The following ATXN7L1 variants were observed in gnomAD, a reference collection of about 807,000 sequenced individuals.
ATXN7L1 encodes the protein ataxin 7 like 1, also known as ataxin-7-like protein 1.
In ATXN7L1, 15 loss-of-function variants were observed where a neutral mutation model predicts 70.8. That is an observed-to-expected ratio of 0.21 (90% CI 0.14 to 0.33). The LOEUF (loss-of-function observed/expected upper bound fraction) is 0.33. ATXN7L1 is among the 10% of genes least tolerant of loss of function. ATXN7L1 has a pLI of 1.00. For missense variants in ATXN7L1, 975 were observed against 1,097.1 expected (o/e 0.89, Z 1.57); for synonymous variants, 440 against 445.1 (o/e 0.99, Z 0.14).
rs376329558 is a variant in ATXN7L1 at position 105,766,849 on chromosome 7, C to T, written c.355+21755G>A. On this transcript the variant is annotated intron_variant, in intron 3 of 11. Coordinates refer to ENST00000419735, the MANE Select transcript of ATXN7L1 (RefSeq NM_020725.2). ...ACCCAGGGGGAACCAGCTTCCGTGC[C>T]AGGAGCCATCACTTCATCCCAGTCT... 5.9e-5 allele frequency among the ~76,000 whole-genome samples: 9 copies of T among 152,346 alleles called. No homozygotes were observed. In the East Asian group the frequency reaches 1.7e-3, roughly 29 times the overall value.
At chr7:105,816,000 C>T (rs1809131350) in intron 2 of ATXN7L1, among the ~76,000 whole-genome samples, 1 of 152,216 alleles carries the variant, frequency 6.6e-6, no homozygotes, top group Non-Finnish European at 1.5e-5. Context: ...AATCCCAGTA[C>T]ACTGGTTGGC....
intron 3 of ATXN7L1, among the ~76,000 whole-genome samples, chr7:105,665,524 AG>A (rs1802479942): frequency 6.6e-6 from 1 of 152,200 alleles, no homozygotes; most frequent in Non-Finnish European, 1.5e-5. Context: ...AACTAACATC[AG>A]GGTTCTCATG....
chr7:105,872,663 G>A (rs1318741587), intron 2 of ATXN7L1, among the ~76,000 whole-genome samples: 2 of 152,126 alleles, frequency 1.3e-5, no homozygotes, highest in Non-Finnish European at 2.9e-5. Flanking sequence ...GGGCTGAGAG[G>A]AATGGGGAAT....
chr7:105,605,124 A>G lies in ATXN7L1; in HGVS notation c.*2728T>C, dbSNP rs117515381. 9 of 130,454 alleles carry G rather than the reference A, an allele frequency of 6.9e-5. No homozygotes were observed. The highest frequency in any genetic ancestry group is 2.4e-4 in the East Asian group (1 of 4,250). 8.1% of individuals were successfully genotyped at this position (130,454 alleles called of 1,614,324 possible). A position where few individuals can be genotyped will look rare whatever the true frequency, so the allele number is the denominator to read the frequency against. ...TCACAACCAGAGCTTTCGAGCCTCT[A>G]TGGCTGGCGACAAGTCAGGAGATCT... On this transcript the variant is annotated 3_prime_UTR_variant, in exon 12 of 12. Coordinates refer to ENST00000419735, the MANE Select transcript of ATXN7L1 (RefSeq NM_020725.2).
rs934386809 is a variant in ATXN7L1, at chr7:105,816,168, T to C, written c.251-27460A>G. Among the ~76,000 whole-genome samples, 4 of 152,088 alleles carry C rather than the reference T, an allele frequency of 2.6e-5. No individual in the cohort carries two copies. In the South Asian group the frequency reaches 8.3e-4, roughly 32 times the overall value. On this transcript the variant is annotated intron_variant, in intron 2 of 11. Coordinates refer to ENST00000419735, the MANE Select transcript of ATXN7L1 (RefSeq NM_020725.2). ...TAACGGGAAGTCAGTAGGCAGTGTT[T>C]AAAACCAATAAATCAGGAACGCAGT...
chr7:105,693,870 T>A (rs570480488), intron 3 of ATXN7L1, among the ~76,000 whole-genome samples: 22 of 151,944 alleles, frequency 1.4e-4, no homozygotes, highest in Non-Finnish European at 2.8e-4. Context: ...CACCCTGGAG[T>A]GAAATGCAGC....
rs546253330 is a variant in ATXN7L1, at chr7:105,613,750, G to A, written c.2472+112C>T. 8.5e-6 allele frequency: 13 copies of A among 1,529,388 alleles called. No individual in the cohort carries two copies. In the South Asian group the frequency reaches 1.6e-4, roughly 19 times the overall value. The allele number at this position is 1,529,388 out of a possible 1,614,324, so 94.7% of individuals were successfully genotyped here. A position where few individuals can be genotyped will look rare whatever the true frequency, so the allele number is the denominator to read the frequency against. ...TGAAAACTGCCTTCGGGGAAAACGA[G>A]AACAGGAATCAAGCTTGTGTTACCT... On this transcript the variant is annotated intron_variant, in intron 10 of 11. Transcript: ENST00000419735.
intron 2 of ATXN7L1, chr7:105,819,907 C>T (rs1809858804): frequency 3.7e-6 from 2 of 535,680 alleles, no homozygotes; most frequent in Admixed American, 2.1e-5. Context: ...CTACGTGGGG[C>T]GCCTGGCTCA....
intron 3 of ATXN7L1, among the ~76,000 whole-genome samples, chr7:105,761,996 G>A (rs1437410042): frequency 6.6e-6 from 1 of 152,140 alleles, no homozygotes; most frequent in Non-Finnish European, 1.5e-5. Context: ...TGACCCCAAG[G>A]GCTCTGCATT....
At chr7:105,792,472 C>G (rs530200145) in intron 2 of ATXN7L1, among the ~76,000 whole-genome samples, 3 of 151,604 alleles carry the variant, frequency 2.0e-5, no homozygotes, top group Non-Finnish European at 2.9e-5. Context: ...TAGAGCAATG[C>G]GGGCTGGGGG....
At chr7:105,865,792 AC>A (rs1817378515) in intron 2 of ATXN7L1, among the ~76,000 whole-genome samples, 1 of 152,098 alleles carries the variant, frequency 6.6e-6, no homozygotes, top group Admixed American at 6.6e-5. Context: ...CATCTCCAGA[AC>A]TTTTGCATCT....
At chr7:105,764,703 G>A (rs1801013401) in intron 3 of ATXN7L1, among the ~76,000 whole-genome samples, 1 of 152,146 alleles carries the variant, frequency 6.6e-6, no homozygotes, top group African/African-American at 2.4e-5. Flanking sequence ...TACAAAGCTT[G>A]AAAAGAATGC....
At chr7:105,842,891 T>G (rs1813434796) in intron 2 of ATXN7L1, among the ~76,000 whole-genome samples, 1 of 152,194 alleles carries the variant, frequency 6.6e-6, no homozygotes, top group African/African-American at 2.4e-5. Context: ...ATATATAGTA[T>G]TATAGCCATC....
At chr7:105,853,750 C>G (rs761391332) in intron 2 of ATXN7L1, among the ~76,000 whole-genome samples, 1 of 152,024 alleles carries the variant, frequency 6.6e-6, no homozygotes, top group African/African-American at 2.4e-5. Context: ...GGCAACAGAG[C>G]GAGACTCTGT....
At chr7:105,742,139 A>G (rs1323613285) in intron 3 of ATXN7L1, among the ~76,000 whole-genome samples, 3 of 152,214 alleles carry the variant, frequency 2.0e-5, no homozygotes, top group Non-Finnish European at 2.9e-5. Flanking sequence ...AAGAGCCCCA[A>G]CTGTCTCCTT....
chr7:105,674,597 T>A (rs1005013122), intron 3 of ATXN7L1, among the ~76,000 whole-genome samples: 45 of 152,078 alleles, frequency 3.0e-4, no homozygotes, highest in African/African-American at 1.0e-3. Context: ...CCAGAGCCAA[T>A]GCCCTTTCTA....
At chr7:105,694,334 C>A (rs1791434661) in intron 3 of ATXN7L1, among the ~76,000 whole-genome samples, 2 of 152,334 alleles carry the variant, frequency 1.3e-5, no homozygotes, top group South Asian at 4.1e-4. Context: ...GTGTGAGCCA[C>A]TGCACCTGGC....
chr7:105,727,769 T>TATATATATATATA (rs1471265583), intron 3 of ATXN7L1, among the ~76,000 whole-genome samples: 6 of 120,298 alleles, frequency 5.0e-5, no homozygotes, highest in Non-Finnish European at 5.1e-5. Context: ...TATATATATA[T>TATATATATATATA]ATATATATAC....
intron 2 of ATXN7L1, among the ~76,000 whole-genome samples, chr7:105,836,293 C>T (rs950430266): frequency 6.6e-6 from 1 of 152,176 alleles, no homozygotes; most frequent in Admixed American, 6.5e-5. Context: ...GCCGAAAGTA[C>T]TCTTATACCT....
Sources: allele counts gnomAD v4.1 joint callset (sites outside exome capture counted in the v4.1 genomes callset), GRCh38; gene constraint gnomAD v4.1.1; transcripts MANE v1.5; gene names NCBI Gene and HGNC (gene_info 2026-07-23, HGNC 2026-07-21).